The following WDR25 variants were observed in gnomAD, a reference collection of about 807,000 sequenced individuals.
WDR25 encodes WD repeat-containing protein 25.
WDR25 carries 35 observed loss-of-function variants against 47.7 expected under a neutral mutation model. The ratio of observed to expected loss-of-function variants is 0.73; its 90% CI spans 0.56 to 0.97. WDR25 has a LOEUF of 0.97. Ranked by LOEUF, WDR25 falls within the 50% of genes least tolerant of loss-of-function variation. The probability of loss-of-function intolerance (pLI) is 0.00; values close to 1 mark genes in which losing one functional copy is unlikely to be tolerated. For synonymous variants in WDR25, 248 were observed against 278.9 expected (o/e 0.89, Z 1.10); for missense variants, 634 against 704.7 (o/e 0.90, Z 1.14).
rs944232195 is a variant in WDR25 at position 100,407,080 on chromosome 14, C to T, written c.822+25334C>T. The T allele has an allele frequency of 3.3e-5, 5 of 152,268 alleles. No individual in the cohort carries two copies. The highest frequency in any genetic ancestry group is 6.5e-5 in the Admixed American group (1 of 15,286). The allele number at this position is 152,268 out of a possible 1,614,324, so 9.4% of individuals were successfully genotyped here. On this transcript the variant is annotated intron_variant, in intron 2 of 6. Transcript: ENST00000402312. This position sits in a 1 kb window ranked among gnomAD's most constrained non-coding sequence, Gnocchi z 4.1. ...CGAGTTGAGCCCAGAAGACAAAGGTCGCTGAAGTCCTTCCAGGAGAAGAAG... is the reference window on the plus strand; with the variant it reads ...CGAGTTGAGCCCAGAAGACAAAGGTTGCTGAAGTCCTTCCAGGAGAAGAAG...
At chr14:100,427,621 T>C (rs1430131797) in intron 2 of WDR25, among the ~76,000 whole-genome samples, 1 of 152,236 alleles carries the variant, frequency 6.6e-6, no homozygotes, top group Non-Finnish European at 1.5e-5. Context: ...AAGGATGTGC[T>C]GTGGGGTCCC....
intron 2 of WDR25, among the ~76,000 whole-genome samples, chr14:100,453,965 C>T (rs987780404): frequency 3.9e-5 from 6 of 152,128 alleles, no homozygotes; most frequent in African/African-American, 1.2e-4. Context: ...AGATGCTGAT[C>T]GAGTTTCTCC....
intron 4 of WDR25, among the ~76,000 whole-genome samples, chr14:100,504,306 T>C (rs1901041279): frequency 6.6e-6 from 1 of 152,254 alleles, no homozygotes; most frequent in Non-Finnish European, 1.5e-5. Context: ...ATCAGGACCC[T>C]AACATTTGAT....
chr14:100,378,033 A>G (rs1896765224), intron 1 of WDR25, among the ~76,000 whole-genome samples: 1 of 152,156 alleles, frequency 6.6e-6, no homozygotes, highest in Non-Finnish European at 1.5e-5. Context: ...CTGCTGTCCT[A>G]GGAGTGCCTA....
chr14:100,466,394 G>A (rs572688364), intron 2 of WDR25, among the ~76,000 whole-genome samples: 1 of 152,328 alleles, frequency 6.6e-6, no homozygotes, highest in South Asian at 2.1e-4. Flanking sequence ...GAATTTTCTT[G>A]TCTTTAATGA....
chr14:100,441,368 C>T (rs1217642351), intron 2 of WDR25, among the ~76,000 whole-genome samples: 9 of 152,074 alleles, frequency 5.9e-5, no homozygotes, highest in Non-Finnish European at 1.5e-5. Context: ...GCCACCCTCA[C>T]TGCCTAGGGG....
chr14:100,476,853 G>T (rs1203038621), intron 3 of WDR25, among the ~76,000 whole-genome samples: 2 of 152,172 alleles, frequency 1.3e-5, no homozygotes, highest in African/African-American at 4.8e-5. Context: ...CCCTGGAGAG[G>T]GGGGCATGAG....
At position 100,448,192 on chromosome 14, in the gene WDR25, T is replaced by C. The variant is rs1280850507; in HGVS notation, c.823-19829T>C. 9.5e-3 allele frequency among the ~76,000 whole-genome samples: 218 copies of C among 22,914 alleles called. No individual in the cohort carries two copies. The Admixed American group carries it at 0.1, about 10-fold the overall frequency. 15.0% of individuals were successfully genotyped at this position (22,914 alleles called of 152,430 possible). Reference sequence around the variant, plus strand: ...CCTGGAAAACGAGCAAAACTCCGTCTCAAAAAAAAAAAAAAAAAAAGAAGA... The same window carrying C: ...CCTGGAAAACGAGCAAAACTCCGTCCCAAAAAAAAAAAAAAAAAAAGAAGA... On this transcript the variant is annotated intron_variant, in intron 2 of 6. Coordinates refer to ENST00000402312, the MANE Select transcript of WDR25 (RefSeq NM_001161476.3).
At chr14:100,422,723 A>G (rs769620573) in intron 2 of WDR25, among the ~76,000 whole-genome samples, 1 of 151,870 alleles carries the variant, frequency 6.6e-6, no homozygotes, top group Non-Finnish European at 1.5e-5. Flanking sequence ...CCTCTCCATC[A>G]TTTGCTGTTA....
intron 2 of WDR25, among the ~76,000 whole-genome samples, chr14:100,436,148 G>A (rs1898493664): frequency 6.6e-6 from 1 of 152,168 alleles, no homozygotes; most frequent in South Asian, 2.1e-4. Flanking sequence ...TGTTATGTCT[G>A]GAGCTTTGCT....
intron 1 of WDR25, 21 bp downstream of exon 1, chr14:100,376,516 GC>G: frequency 8.1e-7 from 1 of 1,231,902 alleles, no homozygotes; most frequent in Non-Finnish European, 1.0e-6. Flanking sequence ...TGAGCGGCGG[GC>G]CCCGGGCTGG....
At chr14:100,420,787 A>G (rs1046884770) in intron 2 of WDR25, among the ~76,000 whole-genome samples, 4 of 152,190 alleles carry the variant, frequency 2.6e-5, no homozygotes, top group African/African-American at 4.8e-5. Flanking sequence ...AGTGGCTTCA[A>G]CAGGTGGAGA....
intron 2 of WDR25, among the ~76,000 whole-genome samples, chr14:100,459,894 G>GTGTGTATATA (rs1172584092): frequency 1.3e-5 from 1 of 78,266 alleles, no homozygotes; most frequent in Non-Finnish European, 2.7e-5. Flanking sequence ...GTGTGTGTGT[G>GTGTGTATATA]TATATATATA....
At chr14:100,418,706 G>C (rs1897942662) in intron 2 of WDR25, among the ~76,000 whole-genome samples, 1 of 151,946 alleles carries the variant, frequency 6.6e-6, no homozygotes, top group South Asian at 2.1e-4. Flanking sequence ...AGCCACAACG[G>C]TCAGGGTCTA....
intron 2 of WDR25, among the ~76,000 whole-genome samples, chr14:100,445,444 A>G (rs1898801276): frequency 7.5e-6 from 1 of 133,406 alleles, no homozygotes; most frequent in Non-Finnish European, 1.6e-5. Flanking sequence ...CTTCCAAAAA[A>G]TATTTTAAAC....
At chr14:100,388,660 A>C (rs1837781896) in intron 2 of WDR25, among the ~76,000 whole-genome samples, 1 of 152,206 alleles carries the variant, frequency 6.6e-6, no homozygotes, top group South Asian at 2.1e-4. Flanking sequence ...GAGGCCAACA[A>C]ATGAGACATT....
intron 2 of WDR25, among the ~76,000 whole-genome samples, chr14:100,420,753 G>A (rs1898003211): frequency 6.6e-6 from 1 of 152,222 alleles, no homozygotes; most frequent in Non-Finnish European, 1.5e-5. Context: ...GTATGAGGCT[G>A]CAGATAACAG....
chr14:100,510,533 C>T (rs1420976444), intron 4 of WDR25, among the ~76,000 whole-genome samples: 1 of 151,700 alleles, frequency 6.6e-6, no homozygotes, highest in Non-Finnish European at 1.5e-5. Context: ...GTCAGGAGTT[C>T]AAGACCAGCC....
chr14:100,384,614 G>C (rs898006432), intron 2 of WDR25, among the ~76,000 whole-genome samples: 2 of 152,184 alleles, frequency 1.3e-5, no homozygotes, highest in South Asian at 2.1e-4. Flanking sequence ...TGTGGGTGTG[G>C]GTGGTGGGTC....
Sources: allele counts gnomAD v4.1 joint callset (sites outside exome capture counted in the v4.1 genomes callset), GRCh38; gene constraint gnomAD v4.1.1; non-coding constraint Gnocchi (gnomAD v3.1); transcripts MANE v1.5; gene names NCBI Gene and HGNC (gene_info 2026-07-23, HGNC 2026-07-21).